NCKAP5: variants seen among roughly 807,000 people sequenced by gnomAD.
The protein encoded by NCKAP5 is nck-associated protein 5.
NCKAP5 carries 92 observed loss-of-function variants against 167.0 expected under a neutral mutation model. The ratio of observed to expected loss-of-function variants is 0.55; its 90% CI spans 0.47 to 0.66. The LOEUF (loss-of-function observed/expected upper bound fraction) is 0.66. NCKAP5 is among the 30% of genes least tolerant of loss of function. NCKAP5 has a pLI of 0.00. For synonymous variants in NCKAP5, 891 were observed against 877.4 expected, an observed-to-expected ratio of 1.02 and a Z score of -0.27; for missense variants, 2,378 against 2,315.0, an observed-to-expected ratio of 1.03 and a Z score of -0.56.
At chr2:133,262,136 A>G (rs1396016111) in intron 4 of NCKAP5, among the ~76,000 whole-genome samples, 1 of 152,208 alleles carries the variant, frequency 6.6e-6, no homozygotes, top group Non-Finnish European at 1.5e-5. Flanking sequence ...CATCTTATAA[A>G]TGCACATAAT....
At chr2:132,948,987 C>A (rs2076089283) in intron 8 of NCKAP5, among the ~76,000 whole-genome samples, 2 of 128,796 alleles carry the variant, frequency 1.6e-5, no homozygotes, top group Non-Finnish European at 1.6e-5. Context: ...TCAGAAGCAA[C>A]AAAGATCCAG....
At position 133,231,160 on chromosome 2, in the gene NCKAP5, G is replaced by C. The variant is rs1045940218; in HGVS notation, c.144-17381C>G. The stretch of plus-strand genomic sequence containing the variant: ...ATGGAGGCTCAAAGAATAAAGAATG[G>C]AGAAAATGGAGGCTCAAAGAGGTTG... On this transcript the variant is annotated intron_variant, in intron 4 of 19. Transcript: ENST00000409261. 2.0e-5 allele frequency among the ~76,000 whole-genome samples: 3 copies of C among 152,128 alleles called. No individual in the cohort carries two copies. The South Asian group carries it at 6.2e-4, about 31-fold the overall frequency.
chr2:133,621,107 G>A, the NCKAP5 span, among the ~76,000 whole-genome samples: 2 of 152,056 alleles, frequency 1.3e-5, no homozygotes, highest in Admixed American at 6.6e-5. Flanking sequence ...AAAATTTCTC[G>A]GATACAGCAA....
chr2:133,256,655 A>G (rs1156837351), intron 4 of NCKAP5, among the ~76,000 whole-genome samples: 1 of 152,192 alleles, frequency 6.6e-6, no homozygotes, highest in Non-Finnish European at 1.5e-5. Flanking sequence ...GAATGTGCCC[A>G]CATGAACCAG....
At chr2:132,903,674 T>G (rs1348509265) in intron 8 of NCKAP5, among the ~76,000 whole-genome samples, 1 of 152,168 alleles carries the variant, frequency 6.6e-6, no homozygotes, top group Non-Finnish European at 1.5e-5. Flanking sequence ...TATATGTACA[T>G]TCAGATAAGC....
chr2:133,058,571 C>G (rs545655833), intron 6 of NCKAP5, among the ~76,000 whole-genome samples: 5 of 152,010 alleles, frequency 3.3e-5, no homozygotes, highest in African/African-American at 4.8e-5. Flanking sequence ...AGAAGTGAAG[C>G]CTGAAGATGT....
At chr2:132,887,348 T>TCCATCTTTCC (rs1558902627) in intron 8 of NCKAP5, among the ~76,000 whole-genome samples, 8 of 128,696 alleles carry the variant, frequency 6.2e-5, no homozygotes, top group Admixed American at 3.8e-4. Context: ...TCTATCTATC[T>TCCATCTTTCC]ATCCATCCAT....
At chr2:133,470,372 A>G (rs1692964713) in intron 3 of NCKAP5, among the ~76,000 whole-genome samples, 1 of 152,218 alleles carries the variant, frequency 6.6e-6, no homozygotes, top group Non-Finnish European at 1.5e-5. Context: ...GCCGGTTCCC[A>G]GATCTCCAGC....
chr2:133,353,073 C>T (rs1428115280), intron 3 of NCKAP5, among the ~76,000 whole-genome samples: 2 of 152,232 alleles, frequency 1.3e-5, no homozygotes, highest in Non-Finnish European at 2.9e-5. Context: ...CATATTCAAA[C>T]AATCTTGGAC....
chr2:133,539,343 G>A (rs974360893), intron 2 of NCKAP5, among the ~76,000 whole-genome samples: 1 of 152,094 alleles, frequency 6.6e-6, no homozygotes, highest in Non-Finnish European at 1.5e-5. Context: ...AATCCTCTAG[G>A]TGAGGAGAAG....
At chr2:133,569,174 C>CACTT (rs10654036), upstream of NCKAP5, among the ~76,000 whole-genome samples, 106,827 of 151,462 alleles carry the variant, frequency 0.71, 38,182 homozygotes, top group East Asian at 0.83. Flanking sequence ...AAATCCCACT[C>CACTT]ACAACTATCA....
At chr2:132,761,041 CT>C (rs1680958676) in intron 16 of NCKAP5, among the ~76,000 whole-genome samples, 2 of 113,514 alleles carry the variant, frequency 1.8e-5, no homozygotes, top group East Asian at 2.6e-4. Context: ...TTTTCCTCCT[CT>C]TTTTTCCCCC....
intron 16 of NCKAP5, among the ~76,000 whole-genome samples, chr2:132,748,283 T>G (rs1197032017): frequency 6.6e-6 from 1 of 152,226 alleles, no homozygotes; most frequent in East Asian, 1.9e-4. Context: ...AATAAGGTCA[T>G]AAACTCATTC....
At position 133,560,218 on chromosome 2, in the gene NCKAP5, G is replaced by A. The variant is rs188672015; in HGVS notation, c.-129-1101C>T. ...ATATTTTCGTAAGTATAAAAATGGAGAAGAGAAAGTACTAATTTAAAAATC... is the reference window on the plus strand; with the variant it reads ...ATATTTTCGTAAGTATAAAAATGGAAAAGAGAAAGTACTAATTTAAAAATC... On this transcript the variant is annotated intron_variant, in intron 1 of 19. Coordinates refer to ENST00000409261, the MANE Select transcript of NCKAP5 (RefSeq NM_207363.3). Among the ~76,000 whole-genome samples the A allele has an allele frequency of 3.0e-3, 459 of 152,304 alleles. 2 individuals are homozygous for A. Among genetic ancestry groups the A allele is most frequent in the Non-Finnish European group, 5.1e-3 (349 of 68,036 alleles).
chr2:133,514,624 A>G (rs1480548541), intron 3 of NCKAP5, among the ~76,000 whole-genome samples: 1 of 152,220 alleles, frequency 6.6e-6, no homozygotes, highest in African/African-American at 2.4e-5. Context: ...AAAATCTGAA[A>G]GTGGAAATTA....
In NCKAP5 at chr2:133,010,128, G is replaced by A. The variant is rs190312506; in HGVS notation, c.342-15889C>T. 2.4e-4 allele frequency among the ~76,000 whole-genome samples: 36 copies of A among 152,066 alleles called. No homozygotes were observed. The East Asian group carries it at 6.4e-3, about 27-fold the overall frequency. ...ACAGAGGCTCTCTGGAGATGCTGAT[G>A]TACTGAAGTTTTGAAAAATAAGTTG... On this transcript the variant is annotated intron_variant, in intron 6 of 19. Transcript: ENST00000409261.
At chr2:133,187,217 AGTTATTCAGGAGTAG>A (rs1387588631) in intron 5 of NCKAP5, among the ~76,000 whole-genome samples, 3 of 151,948 alleles carry the variant, frequency 2.0e-5, no homozygotes, top group African/African-American at 7.3e-5. Flanking sequence ...TTCACCCAAG[AGTTATTCAGGAGTAG>A]GTTAATTTCC....
the NCKAP5 span, among the ~76,000 whole-genome samples, chr2:133,637,041 A>G: frequency 7.0e-6 from 1 of 142,338 alleles, no homozygotes; most frequent in African/African-American, 2.5e-5. Context: ...TATTTAAAGT[A>G]TACTTAATAA....
the NCKAP5 span, among the ~76,000 whole-genome samples, chr2:133,578,275 C>G: frequency 6.6e-6 from 1 of 152,190 alleles, no homozygotes; most frequent in South Asian, 2.1e-4. Context: ...TCCCTTGCAC[C>G]CTTGCAGTGA....
Sources: gnomAD v4.1 joint callset for allele counts (sites outside exome capture counted in the v4.1 genomes callset) on GRCh38, gnomAD v4.1.1 for gene constraint, MANE v1.5 for transcripts, NCBI Gene and HGNC (gene_info 2026-07-23, HGNC 2026-07-21) for gene names.